The following GTF2IRD1 variants were observed in gnomAD, a reference collection of about 807,000 sequenced individuals.
GTF2IRD1 encodes the protein general transcription factor II-I repeat domain-containing protein 1.
GTF2IRD1 carries 26 observed loss-of-function variants against 113.2 expected under a neutral mutation model. That is an observed-to-expected ratio of 0.23 (90% CI 0.17 to 0.32). The LOEUF is 0.32. Among genes scored for constraint, GTF2IRD1 ranks in the 10% least tolerant of loss-of-function variants. GTF2IRD1 has a pLI of 1.00. For synonymous variants in GTF2IRD1, 484 were observed against 529.1 expected (o/e 0.91, Z 1.17); for missense variants, 864 against 1,280.8 (o/e 0.67, Z 4.97).
chr7:74,496,539 G>T (rs1310677877), intron 1 of GTF2IRD1, among the ~76,000 whole-genome samples: 1 of 145,244 alleles, frequency 6.9e-6, no homozygotes, highest in Non-Finnish European at 1.5e-5. Flanking sequence ...GCATGTATGT[G>T]TGGGTGTGTG....
Position 74,529,748 on chromosome 7 carries a change from C to T in GTF2IRD1, c.1105C>T (p.Leu369=). The T allele has an allele frequency of 1.2e-6, 2 of 1,614,114 alleles. No homozygotes were observed. Residue 369 remains leucine (L), a synonymous_variant, in exon 9 of 27, where the codon CTG becomes TTG. Coordinates refer to ENST00000424337, the MANE Select transcript of GTF2IRD1 (RefSeq NM_005685.4). ...TGTCTTTCCAGCGGAAGCCCTGGGC[C>T]TGGACCACATGGTCCCCGTGCCCTA... ...FNSRYAEALG[L]DHMVPVPYRK...
intron 2 of GTF2IRD1, among the ~76,000 whole-genome samples, chr7:74,509,085 G>A (rs1028481070): frequency 6.6e-6 from 1 of 152,016 alleles, no homozygotes; most frequent in East Asian, 1.9e-4. Context: ...GGCCCAGCAC[G>A]GTGGCTCACG....
At chr7:74,471,697 AAAAAC>A in intron 1 of GTF2IRD1, among the ~76,000 whole-genome samples, 1 of 95,348 alleles carries the variant, frequency 1.0e-5, no homozygotes, top group Non-Finnish European at 2.4e-5. Flanking sequence ...AAACAAAAAA[AAAAAC>A]AAAAAAAACG....
chr7:74,490,800 T>C (rs1397601302), intron 1 of GTF2IRD1, among the ~76,000 whole-genome samples: 1 of 151,832 alleles, frequency 6.6e-6, no homozygotes, highest in African/African-American at 2.4e-5. Flanking sequence ...AAAATCCGGC[T>C]CTTTCTAGTG....
intron 1 of GTF2IRD1, among the ~76,000 whole-genome samples, chr7:74,479,473 AT>A (rs1794615144): frequency 6.6e-6 from 1 of 151,090 alleles, no homozygotes; most frequent in African/African-American, 2.4e-5. Context: ...ACAGGTCTTT[AT>A]TTATTCAGCA....
intron 26 of GTF2IRD1, chr7:74,601,597 A>G (rs781889115): frequency 4.5e-6 from 3 of 671,962 alleles, no homozygotes; most frequent in Non-Finnish European, 6.7e-6. Flanking sequence ...ACACGGGGAA[A>G]CCCCATCTCT....
chr7:74,500,727 A>C (rs1795988172), intron 1 of GTF2IRD1, among the ~76,000 whole-genome samples: 1 of 151,860 alleles, frequency 6.6e-6, no homozygotes, highest in Non-Finnish European at 1.5e-5. Flanking sequence ...TCCTTTTTTA[A>C]ATTTTTTATT....
chr7:74,601,503 T>G, intron 26 of GTF2IRD1: 1 of 1,429,136 alleles, frequency 7.0e-7, no homozygotes, highest in Middle Eastern at 2.6e-4. Context: ...GCGGGTGCAG[T>G]GGCTCACGCC....
chr7:74,515,647 C>G (rs782067517), intron 4 of GTF2IRD1, 51 bp downstream of exon 4: 1 of 1,544,166 alleles, frequency 6.5e-7, no homozygotes, highest in Non-Finnish European at 8.8e-7. Context: ...GTGGGAGCCT[C>G]GGTCCCCACC....
chr7:74,601,376 T>A (rs2131094564), intron 26 of GTF2IRD1, 196 bp downstream of exon 26: 1 of 1,515,416 alleles, frequency 6.6e-7, no homozygotes, highest in African/African-American at 1.4e-5. Flanking sequence ...TCTCGTGGGG[T>A]ACTCACAGGC....
chr7:74,471,711 C>T lies in GTF2IRD1; in HGVS notation c.-7+17535C>T, dbSNP rs1242689928. Among the ~76,000 whole-genome samples, 12 of 120,920 alleles carry T rather than the reference C, an allele frequency of 9.9e-5. No homozygotes were observed. In the East Asian group the frequency reaches 1.7e-3, roughly 17 times the overall value. The allele number at this position is 120,920 out of a possible 152,430, so 79.3% of individuals were successfully genotyped here. A position where few individuals can be genotyped will look rare whatever the true frequency, so the allele number is the denominator to read the frequency against. Reference sequence around the variant, plus strand: ...AAAACAAAAAAAAAAACAAAAAAAACGGCCGGGTGCGGTGGCTGACGTCTG... The same window carrying T: ...AAAACAAAAAAAAAAACAAAAAAAATGGCCGGGTGCGGTGGCTGACGTCTG... On this transcript the variant is annotated intron_variant, in intron 1 of 26. Coordinates refer to ENST00000424337, the MANE Select transcript of GTF2IRD1 (RefSeq NM_005685.4).
chr7:74,542,141 C>A (rs1212652674), intron 14 of GTF2IRD1, among the ~76,000 whole-genome samples: 1 of 150,918 alleles, frequency 6.6e-6, no homozygotes, highest in Non-Finnish European at 1.5e-5. Flanking sequence ...ATTGCGTAAT[C>A]CTAGCACTTT....
chr7:74,491,254 T>C (rs1409223394), intron 1 of GTF2IRD1, among the ~76,000 whole-genome samples: 2 of 149,072 alleles, frequency 1.3e-5, no homozygotes, highest in Admixed American at 1.3e-4. Context: ...TGCAGTGAGC[T>C]GAGATCCCAC....
chr7:74,457,428 A>G (rs1274995806), intron 1 of GTF2IRD1, among the ~76,000 whole-genome samples: 1 of 152,164 alleles, frequency 6.6e-6, no homozygotes, highest in East Asian at 1.9e-4. Flanking sequence ...TGAATGAATG[A>G]ATGAATGAAA....
intron 25 of GTF2IRD1, among the ~76,000 whole-genome samples, chr7:74,596,666 C>T: frequency 6.6e-6 from 1 of 151,648 alleles, no homozygotes; most frequent in Non-Finnish European, 1.5e-5. Context: ...AAAAGAAACA[C>T]TGATTGGCCA....
Position 74,574,521 on chromosome 7 carries a change from C to T in GTF2IRD1, c.2320+14866C>T, listed in dbSNP as rs184094999. Among the ~76,000 whole-genome samples the T allele has an allele frequency of 1.3e-3, 190 of 149,636 alleles. 2 individuals carry two copies. The highest frequency in any genetic ancestry group is 4.7e-4 in the Admixed American group (7 of 14,920). On this transcript the variant is annotated intron_variant, in intron 22 of 26. Coordinates refer to ENST00000424337, the MANE Select transcript of GTF2IRD1 (RefSeq NM_005685.4). Reference sequence around the variant, plus strand: ...TCACTCAGGCTGGAGTGCAGTAGCACGATCACGGCTCACTGCATCCTCGAC... The same window carrying T: ...TCACTCAGGCTGGAGTGCAGTAGCATGATCACGGCTCACTGCATCCTCGAC...
chr7:74,496,111 T>TATGCATGTGTGAGTGTGC (rs1274519940), intron 1 of GTF2IRD1, among the ~76,000 whole-genome samples: 4 of 152,040 alleles, frequency 2.6e-5, no homozygotes, highest in African/African-American at 7.2e-5. Context: ...CATATGTGTG[T>TATGCATGTGTGAGTGTGC]ATGCATGTGT....
intron 1 of GTF2IRD1, among the ~76,000 whole-genome samples, chr7:74,488,774 A>G (rs1036099955): frequency 1.3e-5 from 2 of 151,872 alleles, no homozygotes; most frequent in East Asian, 1.9e-4. Context: ...GAGAGAGAGA[A>G]GAAAAGAAAC....
intron 25 of GTF2IRD1, 72 bp downstream of exon 25, chr7:74,595,123 G>T: frequency 2.6e-6 from 3 of 1,138,200 alleles, no homozygotes; most frequent in South Asian, 1.3e-5. Context: ...AAAAAAGGTA[G>T]ACCCGGGCGC....
Sources: gnomAD v4.1 joint callset for allele counts (sites outside exome capture counted in the v4.1 genomes callset) on GRCh38, gnomAD v4.1.1 for gene constraint, MANE v1.5 for transcripts, NCBI Gene and HGNC (gene_info 2026-07-23, HGNC 2026-07-21) for gene names.